Variants in TRIM16 observed in about 807,000 individuals in gnomAD.
TRIM16 encodes the protein tripartite motif containing 16.
A neutral mutation model predicts 50.4 loss-of-function variants in TRIM16; 33 were observed. The ratio of observed to expected loss-of-function variants is 0.65; its 90% CI spans 0.50 to 0.88. TRIM16 has a LOEUF of 0.88. Among genes scored for constraint, TRIM16 ranks in the 40% least tolerant of loss-of-function variants. TRIM16 has a pLI of 0.00. For synonymous variants in TRIM16, 229 were observed against 270.7 expected (o/e 0.85, Z 1.51); for missense variants, 581 against 686.8 (o/e 0.85, Z 1.72).
intron 7 of TRIM16, among the ~76,000 whole-genome samples, chr17:15,644,088 GACA>G (rs1446304552): frequency 6.6e-6 from 1 of 152,200 alleles, no homozygotes; most frequent in East Asian, 1.9e-4. Context: ...GGAGGGAAGT[GACA>G]CCTCCGTGCC....
intron 6 of TRIM16, among the ~76,000 whole-genome samples, chr17:15,653,012 C>A (rs1197029437): frequency 1.3e-5 from 2 of 152,122 alleles, no homozygotes; most frequent in South Asian, 2.1e-4. Flanking sequence ...AGATTTGATC[C>A]CCAATACTGG....
At chr17:15,678,878 CTTT>C (rs55929822) in intron 4 of TRIM16, among the ~76,000 whole-genome samples, 1 of 75,348 alleles carries the variant, frequency 1.3e-5, no homozygotes. Flanking sequence ...GCAGACTCTC[CTTT>C]TTTTTTTTTT....
Position 15,651,606 on chromosome 17 carries a change from C to G in TRIM16, c.4G>C (p.Ala2Pro), listed in dbSNP as rs1423504246. Residue 2 changes from alanine (A) to proline (P), a missense_variant, in exon 7 of 12, where the codon GCT becomes CCT. Ala to Pro is a conservative substitution (Grantham distance 27). Transcript: ENST00000649191. M[A>P]ELDLMAPGPL... ...CCTGGAGCCATTAGATCCAACTCAG[C>G]CATCTGGGAGGCTCTGCTCCTAGGC... The G allele has an allele frequency of 6.2e-7, 1 of 1,613,454 alleles. No individual in the cohort carries two copies. Among genetic ancestry groups the G allele is most frequent in the South Asian group, 1.1e-5 (1 of 91,052 alleles).
intron 4 of TRIM16, 45 bp downstream of exon 4, chr17:15,680,820 A>G (rs1989154534): frequency 6.6e-7 from 1 of 1,512,570 alleles, no homozygotes; most frequent in African/African-American, 1.4e-5. Context: ...TCCCCAACTC[A>G]ATTAAAATAA....
rs976285493 is a variant in TRIM16 at position 15,680,906 on chromosome 17, T to A, written c.-631A>T. ...CGGCAAAGAGCAGCCATATTTTCCT[T>A]CTTAAGATACCCCTTTTGGGAAAGG... On this transcript the variant is annotated 5_prime_UTR_variant, in exon 4 of 12. Coordinates refer to ENST00000649191, the MANE Select transcript of TRIM16 (RefSeq NM_001348119.1). The A allele has an allele frequency of 6.5e-7, 1 of 1,546,772 alleles. No individual in the cohort carries two copies. The highest frequency in any genetic ancestry group is 8.7e-7 in the Non-Finnish European group (1 of 1,146,146).
intron 10 of TRIM16, 174 bp from the exon 11 acceptor site, chr17:15,631,888 A>G (rs895118430): frequency 1.4e-5 from 9 of 634,672 alleles, no homozygotes; most frequent in African/African-American, 9.2e-5. Flanking sequence ...TAGGTAAGGC[A>G]TAAACCACTG....
At chr17:15,648,240 AC>A (rs1188794765) in intron 7 of TRIM16, among the ~76,000 whole-genome samples, 29 of 146,578 alleles carry the variant, frequency 2.0e-4, no homozygotes, top group East Asian at 5.9e-4. Flanking sequence ...AAAAAAAAAA[AC>A]AAAAAACAAA....
intron 6 of TRIM16, among the ~76,000 whole-genome samples, chr17:15,661,317 T>C (rs994863188): frequency 1.7e-4 from 26 of 152,350 alleles, no homozygotes; most frequent in African/African-American, 5.8e-4. Context: ...ACAGCAGGAT[T>C]TGAGGAGGTG....
chr17:15,642,678 G>A lies in TRIM16; in HGVS notation c.615+43C>T, dbSNP rs367928128. The A allele has an allele frequency of 3.5e-3, 2,358 of 670,980 alleles. 123 individuals are homozygous for A. Among genetic ancestry groups the A allele is most frequent in the Non-Finnish European group, 3.9e-3 (1,548 of 395,038 alleles). 41.6% of individuals were successfully genotyped at this position (670,980 alleles called of 1,614,324 possible). A position where few individuals can be genotyped will look rare whatever the true frequency, so the allele number is the denominator to read the frequency against. ...ATGGAGGCTAGGCATGCAGTACCAC[G>A]TCCCACACCCTCACAGGCCTGGCTG... On this transcript the variant is annotated intron_variant, in intron 8 of 11. Coordinates refer to ENST00000649191, the MANE Select transcript of TRIM16 (RefSeq NM_001348119.1).
At chr17:15,649,990 AAC>A (rs1373835824) in intron 7 of TRIM16, among the ~76,000 whole-genome samples, 1 of 152,192 alleles carries the variant, frequency 6.6e-6, no homozygotes, top group African/African-American at 2.4e-5. Context: ...GAACACTGGA[AAC>A]AGTTTGGCAA....
chr17:15,645,064 T>C (rs1987302568), intron 7 of TRIM16, among the ~76,000 whole-genome samples: 1 of 152,218 alleles, frequency 6.6e-6, no homozygotes, highest in Non-Finnish European at 1.5e-5. Flanking sequence ...TCCGCCTGCC[T>C]TGGCCTCCCA....
intron 6 of TRIM16, among the ~76,000 whole-genome samples, chr17:15,664,733 C>T (rs1479189270): frequency 4.0e-5 from 6 of 151,724 alleles, no homozygotes; most frequent in Admixed American, 6.6e-5. Flanking sequence ...TCTGCTGCCC[C>T]GACCAAGAAC....
chr17:15,643,909 ACTTT>A (rs1475045041), intron 7 of TRIM16, among the ~76,000 whole-genome samples: 8 of 152,192 alleles, frequency 5.3e-5, no homozygotes, highest in East Asian at 1.9e-4. Context: ...GGAAAAACAA[ACTTT>A]CTTTGTCTTA....
In TRIM16 at chr17:15,661,000, C is replaced by T. The variant is rs146996309; in HGVS notation, c.-337-9054G>A. ...CAAGAGTATTTTAGTAGGAAGGAAACAGGCATATTAATCAGAAGACCTGGT... is the reference window on the plus strand; with the variant it reads ...CAAGAGTATTTTAGTAGGAAGGAAATAGGCATATTAATCAGAAGACCTGGT... On this transcript the variant is annotated intron_variant, in intron 6 of 11. Coordinates refer to ENST00000649191, the MANE Select transcript of TRIM16 (RefSeq NM_001348119.1). 2.4e-4 allele frequency among the ~76,000 whole-genome samples: 36 copies of T among 148,808 alleles called. No homozygotes were observed. The East Asian group carries it at 5.0e-3, about 21-fold the overall frequency.
At chr17:15,675,909 C>A (rs1161024888) in intron 6 of TRIM16, among the ~76,000 whole-genome samples, 1 of 150,552 alleles carries the variant, frequency 6.6e-6, no homozygotes, top group Non-Finnish European at 1.5e-5. Flanking sequence ...CGTTAGAGTT[C>A]TAGGCTCTCT....
chr17:15,657,604 T>G (rs1476896699), intron 6 of TRIM16, among the ~76,000 whole-genome samples: 1 of 152,224 alleles, frequency 6.6e-6, no homozygotes, highest in Non-Finnish European at 1.5e-5. Flanking sequence ...TTGTGACTAC[T>G]CTAGGCACTT....
intron 6 of TRIM16, among the ~76,000 whole-genome samples, chr17:15,655,981 G>C (rs562119823): frequency 6.6e-6 from 1 of 152,122 alleles, no homozygotes. Context: ...ATTATGTTGC[G>C]GTGGGGTCTA....
intron 7 of TRIM16, 78 bp from the exon 8 acceptor site, chr17:15,642,894 C>T (rs1987180854): frequency 2.3e-6 from 1 of 428,912 alleles, no homozygotes; most frequent in Non-Finnish European, 3.8e-6. Context: ...CCAGCCCTGA[C>T]ATCCCCGCCC....
intron 7 of TRIM16, chr17:15,643,171 A>C (rs1272796707): frequency 1.2e-6 from 1 of 826,960 alleles, no homozygotes; most frequent in Non-Finnish European, 1.5e-6. Context: ...CTCTCAGCAA[A>C]GGGCATTCCA....
Sources: allele counts gnomAD v4.1 joint callset (sites outside exome capture counted in the v4.1 genomes callset), GRCh38; gene constraint gnomAD v4.1.1; transcripts MANE v1.5; gene names NCBI Gene and HGNC (gene_info 2026-07-23, HGNC 2026-07-21).